The following KANSL1 variants were observed in gnomAD, a reference collection of about 807,000 sequenced individuals.
The protein encoded by KANSL1 is MLL1/MLL complex subunit KANSL1.
In KANSL1, 22 loss-of-function variants were observed where a neutral mutation model predicts 103.6. That is an observed-to-expected ratio of 0.21 (90% CI 0.15 to 0.30). The LOEUF is 0.30. KANSL1 is among the 10% of genes least tolerant of loss of function. The pLI, the probability that KANSL1 is intolerant of heterozygous loss-of-function variation, is 1.00. For synonymous variants in KANSL1, 600 were observed against 527.6 expected, an observed-to-expected ratio of 1.14 and a Z score of -1.88; for missense variants, 1,337 against 1,399.8, an observed-to-expected ratio of 0.96 and a Z score of 0.72.
chr17:46,103,603 GCTC>G (rs969221989), intron 2 of KANSL1, among the ~76,000 whole-genome samples: 3 of 152,148 alleles, frequency 2.0e-5, no homozygotes, highest in Admixed American at 1.3e-4. Flanking sequence ...CTCGTAACAC[GCTC>G]CTCCTCATTT....
rs372753933 is a variant in KANSL1 at position 46,216,015 on chromosome 17, G to A, written c.-90+7656C>T. On this transcript the variant is annotated intron_variant, in intron 1 of 14. Transcript: ENST00000572904. Reference sequence around the variant, plus strand: ...AGACCGTGCCACTGCACTCCAGCCTGGGGGATAGAGCGAGACTCCGTCTCA... The same window carrying A: ...AGACCGTGCCACTGCACTCCAGCCTAGGGGATAGAGCGAGACTCCGTCTCA... Among the ~76,000 whole-genome samples the A allele has an allele frequency of 5.3e-5, 8 of 152,288 alleles. No individual in the cohort carries two copies. The East Asian group carries it at 9.7e-4, about 18-fold the overall frequency.
At chr17:46,127,591 T>G (rs959079985) in intron 2 of KANSL1, among the ~76,000 whole-genome samples, 16 of 152,020 alleles carry the variant, frequency 1.1e-4, no homozygotes, top group Non-Finnish European at 2.4e-4. Flanking sequence ...CTGGGCAACA[T>G]GGTAAAATTT....
intron 14 of KANSL1, 157 bp downstream of exon 14, chr17:46,031,890 T>TAA: frequency 8.7e-7 from 1 of 1,147,168 alleles, no homozygotes. Context: ...CAGTGATCAA[T>TAA]ACAGTTCCAC....
intron 1 of KANSL1, among the ~76,000 whole-genome samples, chr17:46,178,636 G>C (rs2046641811): frequency 6.6e-6 from 1 of 152,190 alleles, no homozygotes; most frequent in Non-Finnish European, 1.5e-5. Context: ...ATAATCAATA[G>C]TTTCTCTCTC....
chr17:46,150,196 T>TGG (rs1464175683), intron 2 of KANSL1, among the ~76,000 whole-genome samples: 1 of 151,436 alleles, frequency 6.6e-6, no homozygotes, highest in African/African-American at 2.4e-5. Flanking sequence ...ATTCCATGAT[T>TGG]GTGGCTGCTT....
At chr17:46,057,122 A>AT (rs1373849304) in intron 6 of KANSL1, among the ~76,000 whole-genome samples, 2 of 152,336 alleles carry the variant, frequency 1.3e-5, no homozygotes, top group African/African-American at 4.8e-5. Flanking sequence ...AAAAATAAAA[A>AT]TTAATAGTAA....
At chr17:46,201,803 T>C (rs992502769) in intron 1 of KANSL1, among the ~76,000 whole-genome samples, 1 of 152,064 alleles carries the variant, frequency 6.6e-6, no homozygotes, top group Non-Finnish European at 1.5e-5. Context: ...GCTCTGGAGT[T>C]CAAGACCGGC....
At chr17:46,204,928 G>A (rs1459383791) in intron 1 of KANSL1, among the ~76,000 whole-genome samples, 1 of 152,112 alleles carries the variant, frequency 6.6e-6, no homozygotes, top group Non-Finnish European at 1.5e-5. Context: ...AGTAGAAATT[G>A]AAGAAAACAT....
intron 2 of KANSL1, among the ~76,000 whole-genome samples, chr17:46,146,249 T>C (rs1474272107): frequency 6.6e-6 from 1 of 152,208 alleles, no homozygotes; most frequent in Non-Finnish European, 1.5e-5. Context: ...CTAGTTTTCA[T>C]GAGAACTTTC....
At chr17:46,178,968 T>A (rs1200083589) in intron 1 of KANSL1, among the ~76,000 whole-genome samples, 2 of 152,214 alleles carry the variant, frequency 1.3e-5, no homozygotes, top group African/African-American at 4.8e-5. Context: ...AAGTGGCACT[T>A]GGGAAGCAAA....
chr17:46,074,275 C>A (rs1242149097), intron 4 of KANSL1, among the ~76,000 whole-genome samples: 1 of 152,018 alleles, frequency 6.6e-6, no homozygotes, highest in Non-Finnish European at 1.5e-5. Flanking sequence ...ATAACTGGAG[C>A]AACTGTATAA....
At chr17:46,186,378 T>C (rs374074814) in intron 1 of KANSL1, among the ~76,000 whole-genome samples, 9 of 146,182 alleles carry the variant, frequency 6.2e-5, no homozygotes, top group African/African-American at 2.3e-4. Context: ...AGCGAGACTG[T>C]GTCTCAAAAA....
At chr17:46,148,917 T>G (rs972739540) in intron 2 of KANSL1, among the ~76,000 whole-genome samples, 1 of 143,040 alleles carries the variant, frequency 7.0e-6, no homozygotes, top group Non-Finnish European at 1.6e-5. Context: ...AAAAAAAAAA[T>G]TCCTCCCCTC....
intron 2 of KANSL1, among the ~76,000 whole-genome samples, chr17:46,167,795 T>C (rs1470000909): frequency 6.6e-6 from 1 of 152,248 alleles, no homozygotes; most frequent in Non-Finnish European, 1.5e-5. Flanking sequence ...AATTAATCAT[T>C]CTATAGCTAG....
At chr17:46,214,689 G>A (rs1248918156) in intron 1 of KANSL1, among the ~76,000 whole-genome samples, 1 of 151,360 alleles carries the variant, frequency 6.6e-6, no homozygotes, top group East Asian at 1.9e-4. Context: ...CAAGCAGTGA[G>A]GATAAAAGAC....
chr17:46,181,738 A>T (rs1054116513), intron 1 of KANSL1, among the ~76,000 whole-genome samples: 1 of 152,078 alleles, frequency 6.6e-6, no homozygotes, highest in Non-Finnish European at 1.5e-5. Flanking sequence ...AGCCCCTCAC[A>T]CCTTTTTAAT....
chr17:46,061,375 C>T (rs1283734396), intron 6 of KANSL1, among the ~76,000 whole-genome samples: 3 of 152,132 alleles, frequency 2.0e-5, no homozygotes, highest in Admixed American at 6.5e-5. Flanking sequence ...AATCTTAGTA[C>T]GTTTAGGTTA....
intron 4 of KANSL1, among the ~76,000 whole-genome samples, chr17:46,073,790 T>C (rs12150558): frequency 0.14 from 21,786 of 152,188 alleles, 2,126 homozygotes; most frequent in Non-Finnish European, 0.22. Flanking sequence ...TTTGACTGCA[T>C]AACAGTTAAC....
rs369793673 is a variant in KANSL1, at chr17:46,172,041, C to G, written c.103G>C (p.Glu35Gln). ...AGGATGTTGGCGTTGCCGTTATTTT[C>G]GGCACTGCCAGGGGACAAGGTAGAG... ...PSSTLSPGSA[E>Q]NNGNANILIA... Residue 35 changes from glutamate to glutamine, a missense_variant, in exon 2 of 15, where the codon GAA becomes CAA. By Grantham distance (29) the Glu-to-Gln change is conservative (BLOSUM62 2). Around this residue, in one of 2 missense-constraint regions of KANSL1, gnomAD observed 557 missense variants for 476.4 expected, o/e 1.17. Coordinates refer to ENST00000432791, the MANE Select transcript of KANSL1 (RefSeq NM_015443.4). 1 of 1,614,090 alleles carries G rather than the reference C, an allele frequency of 6.2e-7. No individual in the cohort carries two copies. Among genetic ancestry groups the G allele is most frequent in the Non-Finnish European group, 8.5e-7 (1 of 1,180,060 alleles).
Sources: gnomAD v4.1 joint callset for allele counts (sites outside exome capture counted in the v4.1 genomes callset) on GRCh38, gnomAD v4.1.1 for gene constraint, gnomAD v4.1.1 regional missense constraint, MANE v1.5 for transcripts, NCBI Gene and HGNC (gene_info 2026-07-23, HGNC 2026-07-21) for gene names.